The following INSYN1 variants were observed in gnomAD, a reference collection of about 807,000 sequenced individuals.
INSYN1 encodes the protein inhibitory synaptic factor 1, also known as UPF0583 protein C15orf59.
INSYN1 carries 7 observed loss-of-function variants against 17.1 expected under a neutral mutation model. The ratio of observed to expected loss-of-function variants is 0.41; its 90% CI spans 0.23 to 0.77. The LOEUF (loss-of-function observed/expected upper bound fraction) is 0.77, where lower values mean the gene tolerates loss of function less well. INSYN1 is among the 30% of genes least tolerant of loss of function. The pLI, the probability that INSYN1 is intolerant of heterozygous loss-of-function variation, is 0.32. For synonymous variants in INSYN1, 174 were observed against 166.3 expected, an observed-to-expected ratio of 1.05 and a Z score of -0.36; for missense variants, 339 against 400.6, an observed-to-expected ratio of 0.85 and a Z score of 1.31.
Position 73,739,091 on chromosome 15 carries a change from G to A in INSYN1, c.*826C>T, listed in dbSNP as rs1365773801. The A allele has an allele frequency of 6.6e-6, 1 of 152,288 alleles. No individual in the cohort carries two copies. Among genetic ancestry groups the A allele is most frequent in the Non-Finnish European group, 1.5e-5 (1 of 68,074 alleles). 9.4% of individuals were successfully genotyped at this position (152,288 alleles called of 1,614,324 possible). On this transcript the variant is annotated 3_prime_UTR_variant, in exon 3 of 3. Transcript: ENST00000569673. Reference sequence around the variant, plus strand: ...GGCCCTAATTTTTAGCCCCATGGAAGTGGCTGCCTACTTCCTCGCACAGAT... The same window carrying A: ...GGCCCTAATTTTTAGCCCCATGGAAATGGCTGCCTACTTCCTCGCACAGAT...
Position 73,751,386 on chromosome 15 carries a change from G to C in INSYN1, c.-256C>G, listed in dbSNP as rs1468187725. The C allele has an allele frequency of 5.9e-6, 3 of 509,852 alleles. No homozygotes were observed. The highest frequency in any genetic ancestry group is 4.4e-5 in the South Asian group (2 of 45,344). The allele number at this position is 509,852 out of a possible 1,614,324, so 31.6% of individuals were successfully genotyped here. A position where few individuals can be genotyped will look rare whatever the true frequency, so the allele number is the denominator to read the frequency against. On this transcript the variant is annotated 5_prime_UTR_variant, in exon 2 of 3. Coordinates refer to ENST00000569673, the MANE Select transcript of INSYN1 (RefSeq NM_001039614.3). ...TCAAGGTGAGGACACAGGAGAGGAG[G>C]GGGAGGGACCTTGGGTCCCAGGAGT...
intron 2 of INSYN1, among the ~76,000 whole-genome samples, chr15:73,749,738 C>T (rs1197416944): frequency 6.6e-6 from 1 of 152,230 alleles, no homozygotes; most frequent in African/African-American, 2.4e-5. Context: ...GCACCACCAC[C>T]TCAGTCTGCC....
rs1175296878 is a variant in INSYN1, at chr15:73,739,715, A to ACCTCCT, written c.*196_*201dup. ...ACGGAGGAAGGGCAGTCCTGCCCACACCTCCTGGGACCTAGGAGGCCAATG... is the reference window on the plus strand; with the variant it reads ...ACGGAGGAAGGGCAGTCCTGCCCACACCTCCTCCTCCTGGGACCTAGGAGGCCAATG... On this transcript the variant is annotated 3_prime_UTR_variant, in exon 3 of 3. Transcript: ENST00000569673. 6.0e-6 allele frequency: 1 copy of ACCTCCT among 166,452 alleles called. No individual in the cohort carries two copies. Among genetic ancestry groups the ACCTCCT allele is most frequent in the Non-Finnish European group, 1.3e-5 (1 of 79,170 alleles). The allele number at this position is 166,452 out of a possible 1,614,324, so 10.3% of individuals were successfully genotyped here.
chr15:73,751,954 C>G (rs548550390), intron 1 of INSYN1, among the ~76,000 whole-genome samples, 156 bp downstream of exon 1: 3 of 147,210 alleles, frequency 2.0e-5, no homozygotes, highest in Non-Finnish European at 4.5e-5. Flanking sequence ...CCTCCCCCCC[C>G]ACCTTCCCCC....
Position 73,751,116 on chromosome 15 carries a change from G to A in INSYN1, c.15C>T (p.Gly5=), listed in dbSNP as rs374820530. MNIR[G]APDLGQPSDD... is the part of the protein sequence containing the mutation. ...CACTGGGCTGCCCGAGGTCCGGGGC[G>A]CCCCGAATGTTCATCGTTTACCACG... The change falls in exon 2 of 3, where the codon GGC becomes GGT. Residue 5 remains glycine (G), a synonymous_variant. Transcript: ENST00000569673. 2.5e-5 allele frequency: 41 copies of A among 1,613,716 alleles called. No individual in the cohort carries two copies. The East Asian group carries it at 6.0e-4, about 24-fold the overall frequency.
Position 73,739,879 on chromosome 15 carries a change from C to G in INSYN1, c.*38G>C, listed in dbSNP as rs1248465385. On this transcript the variant is annotated 3_prime_UTR_variant, in exon 3 of 3. Coordinates refer to ENST00000569673, the MANE Select transcript of INSYN1 (RefSeq NM_001039614.3). ...TATATATATATATATTTATTTATAG[C>G]TCTATGTGCCCACCGCCCCCGGCCC... 4 of 675,408 alleles carry G rather than the reference C, an allele frequency of 5.9e-6. No individual in the cohort carries two copies. The highest frequency in any genetic ancestry group is 2.8e-5 in the East Asian group (1 of 35,096). 41.8% of individuals were successfully genotyped at this position (675,408 alleles called of 1,614,324 possible). A position where few individuals can be genotyped will look rare whatever the true frequency, so the allele number is the denominator to read the frequency against.
chr15:73,738,227 A>T lies in INSYN1; in HGVS notation c.*1690T>A, dbSNP rs1024836734. 4 of 152,260 alleles carry T rather than the reference A, an allele frequency of 2.6e-5. No individual in the cohort carries two copies. Among genetic ancestry groups the T allele is most frequent in the African/African-American group, 9.6e-5 (4 of 41,458 alleles). The allele number at this position is 152,260 out of a possible 1,614,324, so 9.4% of individuals were successfully genotyped here. ...CAGACCCATTATACAGAGGAGGTAG[A>T]TAGGCTCAGAGAGGCAAACGGACTT... On this transcript the variant is annotated 3_prime_UTR_variant, in exon 3 of 3. Coordinates refer to ENST00000569673, the MANE Select transcript of INSYN1 (RefSeq NM_001039614.3).
In INSYN1 at chr15:73,744,078, T is replaced by C. The variant is rs181669683; in HGVS notation, c.157-3436A>G. On this transcript the variant is annotated intron_variant, in intron 2 of 2. Coordinates refer to ENST00000569673, the MANE Select transcript of INSYN1 (RefSeq NM_001039614.3). Reference sequence around the variant, plus strand: ...ACTTGATAGGGCTGTTGTGAGGATTTAATGGCTTAATGCGCTTTGGACAGC... The same window carrying C: ...ACTTGATAGGGCTGTTGTGAGGATTCAATGGCTTAATGCGCTTTGGACAGC... 3.0e-4 allele frequency among the ~76,000 whole-genome samples: 45 copies of C among 152,210 alleles called. 1 individual carries two copies. The East Asian group carries it at 7.3e-3, about 25-fold the overall frequency.
intron 2 of INSYN1, among the ~76,000 whole-genome samples, chr15:73,748,247 TGAG>T (rs1473176273): frequency 3.3e-5 from 5 of 152,086 alleles, no homozygotes; most frequent in African/African-American, 1.2e-4. Context: ...CTCGAGAGGA[TGAG>T]GAGAGTCTGC....
chr15:73,742,541 GA>G (rs1268837598), intron 2 of INSYN1, among the ~76,000 whole-genome samples: 5 of 152,120 alleles, frequency 3.3e-5, no homozygotes, highest in African/African-American at 1.2e-4. Context: ...GTCTACAGAT[GA>G]GGAGTCTTGG....
At chr15:73,745,365 C>G (rs1055907561) in intron 2 of INSYN1, among the ~76,000 whole-genome samples, 4 of 152,146 alleles carry the variant, frequency 2.6e-5, no homozygotes, top group African/African-American at 9.7e-5. Flanking sequence ...TCACCTGACA[C>G]GCCCTCCCTC....
In INSYN1 at chr15:73,751,204, C is replaced by T. The variant is rs1050334240; in HGVS notation, c.-74G>A. ...CACACTGCGTCTGCCTCCACGGAGC[C>T]CCCCTCGGCTGGGCAGAGCTCCACA... On this transcript the variant is annotated 5_prime_UTR_variant, in exon 2 of 3. Transcript: ENST00000569673. The T allele has an allele frequency of 6.4e-7, 1 of 1,555,200 alleles. No homozygotes were observed. The highest frequency in any genetic ancestry group is 8.7e-7 in the Non-Finnish European group (1 of 1,145,092).
At chr15:73,742,078 C>T (rs766629964) in intron 2 of INSYN1, among the ~76,000 whole-genome samples, 8 of 152,308 alleles carry the variant, frequency 5.3e-5, no homozygotes, top group South Asian at 2.1e-4. Flanking sequence ...TTCCAAGGTT[C>T]CTTCCATGTC....
intron 2 of INSYN1, among the ~76,000 whole-genome samples, chr15:73,746,194 T>C (rs903856609): frequency 1.3e-5 from 2 of 152,120 alleles, no homozygotes; most frequent in East Asian, 3.9e-4. Flanking sequence ...TATTATCTTC[T>C]TGGGGGGCTG....
chr15:73,739,921 T>G lies in INSYN1; in HGVS notation c.878A>C (p.Asn293Thr), dbSNP rs779912656. 1.0e-5 allele frequency: 16 copies of G among 1,533,230 alleles called. No individual in the cohort carries two copies. Among genetic ancestry groups the G allele is most frequent in the African/African-American group, 1.4e-5 (1 of 71,914 alleles). 95.0% of individuals were successfully genotyped at this position (1,533,230 alleles called of 1,614,324 possible). A position where few individuals can be genotyped will look rare whatever the true frequency, so the allele number is the denominator to read the frequency against. ...CCCCGGCCCCCTCCCCGGCCCCTAG[T>G]TTTTCCCCCTGGCTTTCTGTCTAGT... ...TATRQKARGK[N>T] Residue 293 changes from asparagine (N) to threonine (T), a missense_variant, in exon 3 of 3, where the codon AAC (asparagine) becomes ACC (threonine). Coordinates refer to ENST00000569673, the MANE Select transcript of INSYN1 (RefSeq NM_001039614.3).
chr15:73,740,079 T>C lies in INSYN1; in HGVS notation c.720A>G (p.Ser240=). 6.2e-7 allele frequency: 1 copy of C among 1,613,648 alleles called. No homozygotes were observed. Among genetic ancestry groups the C allele is most frequent in the Non-Finnish European group, 8.5e-7 (1 of 1,179,868 alleles). ...GGCGGCTGGTCAGTGGAGAGCGCCG[T>C]GACTTGTAGGGGGCTGGGGAGGGCT... is the stretch of plus-strand genomic sequence containing the variant. ...PHKPSPAPYK[S]RRSPLTSRHS... The change falls in exon 3 of 3, where the codon TCA becomes TCG. Residue 240 remains serine (S), a synonymous_variant. Transcript: ENST00000569673.
At chr15:73,750,154 G>A (rs944137093) in intron 2 of INSYN1, among the ~76,000 whole-genome samples, 4 of 152,198 alleles carry the variant, frequency 2.6e-5, no homozygotes, top group Non-Finnish European at 4.4e-5. Context: ...AGCTCAGAAC[G>A]CTGGTCATGC....
At chr15:73,741,336 A>G (rs1177878676) in intron 2 of INSYN1, among the ~76,000 whole-genome samples, 1 of 152,162 alleles carries the variant, frequency 6.6e-6, no homozygotes, top group Non-Finnish European at 1.5e-5. Context: ...GCTTGTTGAG[A>G]GAAGGAATAA....
intron 2 of INSYN1, among the ~76,000 whole-genome samples, chr15:73,750,675 C>T (rs146228873): frequency 2.6e-3 from 402 of 152,212 alleles, no homozygotes; most frequent in Middle Eastern, 0.024. Flanking sequence ...GAAGCTGTGG[C>T]GGGATTCAGT....
Sources: gnomAD v4.1 joint callset for allele counts (sites outside exome capture counted in the v4.1 genomes callset) on GRCh38, gnomAD v4.1.1 for gene constraint, MANE v1.5 for transcripts, NCBI Gene and HGNC (gene_info 2026-07-23, HGNC 2026-07-21) for gene names.